HSF2BP: variants seen among roughly 807,000 people sequenced by gnomAD.
HSF2BP encodes the protein heat shock factor 2-binding protein.
In HSF2BP, 35 loss-of-function variants were observed where a neutral mutation model predicts 35.0. That is an observed-to-expected ratio of 1.00 (90% CI 0.76 to 1.32). HSF2BP has a LOEUF of 1.32. HSF2BP is among the 40% of genes most tolerant of loss of function. The probability of loss-of-function intolerance (pLI) is 0.00; values close to 1 mark genes in which losing one functional copy is unlikely to be tolerated. For missense variants in HSF2BP, 326 were observed against 321.7 expected, an observed-to-expected ratio of 1.01 and a Z score of -0.10; for synonymous variants, 114 against 117.4, an observed-to-expected ratio of 0.97 and a Z score of 0.18.
chr21:43,619,210 G>A (rs75401787), intron 6 of HSF2BP, among the ~76,000 whole-genome samples: 6,242 of 152,186 alleles, frequency 0.041, 439 homozygotes, highest in African/African-American at 0.14. Context: ...TGTGCTATTT[G>A]CTTTACTGCA....
At chr21:43,637,008 G>A (rs1291113199) in intron 4 of HSF2BP, among the ~76,000 whole-genome samples, 1 of 151,856 alleles carries the variant, frequency 6.6e-6, no homozygotes, top group Non-Finnish European at 1.5e-5. Flanking sequence ...ACTGGAACAG[G>A]ACGAGCGAAG....
In HSF2BP at chr21:43,658,111, C is replaced by T; in HGVS notation, c.-15G>A. 1 of 1,528,482 alleles carries T rather than the reference C, an allele frequency of 6.5e-7. No homozygotes were observed. The allele number at this position is 1,528,482 out of a possible 1,614,324, so 94.7% of individuals were successfully genotyped here. On this transcript the variant is annotated 5_prime_UTR_variant, in exon 2 of 9. Transcript: ENST00000291560. ...GCTTCGCCCATGGCCGCTGCCGCCT[C>T]CGCTCCGTTCGCCTGAGCGTCGGCG...
At chr21:43,628,226 G>C (rs548780573) in intron 6 of HSF2BP, among the ~76,000 whole-genome samples, 1 of 152,336 alleles carries the variant, frequency 6.6e-6, no homozygotes, top group Admixed American at 6.5e-5. Context: ...CCAAAGCTGA[G>C]ACCTGCTGAA....
At chr21:43,602,168 C>G (rs1233113774) in intron 7 of HSF2BP, among the ~76,000 whole-genome samples, 1 of 152,210 alleles carries the variant, frequency 6.6e-6, no homozygotes, top group Non-Finnish European at 1.5e-5. Flanking sequence ...GGGAGAGAGA[C>G]AAACAAAGCA....
chr21:43,632,922 C>T (rs55662210), intron 5 of HSF2BP, among the ~76,000 whole-genome samples: 3 of 151,952 alleles, frequency 2.0e-5, no homozygotes, highest in Non-Finnish European at 4.4e-5. Flanking sequence ...CATCTACATA[C>T]ATGTATATAT....
intron 8 of HSF2BP, among the ~76,000 whole-genome samples, chr21:43,579,484 A>G (rs184046995): frequency 6.6e-6 from 1 of 152,376 alleles, no homozygotes; most frequent in Admixed American, 6.5e-5. Context: ...GAAGAAAGCC[A>G]CAGTGTATTT....
intron 8 of HSF2BP, among the ~76,000 whole-genome samples, chr21:43,585,521 C>T (rs1468010908): frequency 6.6e-6 from 1 of 151,858 alleles, no homozygotes; most frequent in Non-Finnish European, 1.5e-5. Flanking sequence ...TGATGGGCGC[C>T]TGTAATCCCA....
chr21:43,605,176 C>T (rs1485475171), intron 7 of HSF2BP, among the ~76,000 whole-genome samples: 2 of 149,052 alleles, frequency 1.3e-5, no homozygotes, highest in African/African-American at 5.0e-5. Context: ...GCTGACTGCA[C>T]TAATTGCCCC....
At chr21:43,467,966 ACACACACAC>A in the HSF2BP span, among the ~76,000 whole-genome samples, 20 of 67,808 alleles carry the variant, frequency 2.9e-4, no homozygotes, top group Admixed American at 5.6e-4. Context: ...CACTTACACC[ACACACACAC>A]CACACACACC....
chr21:43,651,021 T>C (rs1240227096), intron 3 of HSF2BP, among the ~76,000 whole-genome samples: 1 of 152,172 alleles, frequency 6.6e-6, no homozygotes, highest in Non-Finnish European at 1.5e-5. Context: ...TTTACATCTC[T>C]TGCAAACATA....
At chr21:43,640,999 A>G (rs948395099) in intron 4 of HSF2BP, among the ~76,000 whole-genome samples, 1 of 152,106 alleles carries the variant, frequency 6.6e-6, no homozygotes, top group Non-Finnish European at 1.5e-5. Flanking sequence ...GATTTCCTCA[A>G]TATCTTTCTG....
intron 6 of HSF2BP, among the ~76,000 whole-genome samples, chr21:43,617,153 A>T (rs566018763): frequency 5.9e-4 from 90 of 152,228 alleles, no homozygotes; most frequent in African/African-American, 2.0e-3. Flanking sequence ...GAGCAAGATA[A>T]ATGTTAAGAC....
At chr21:43,602,323 G>A (rs957603331) in intron 7 of HSF2BP, among the ~76,000 whole-genome samples, 17 of 152,196 alleles carry the variant, frequency 1.1e-4, no homozygotes, top group African/African-American at 3.4e-4. Flanking sequence ...TATTCCAGAC[G>A]AATTCTTTGG....
At chr21:43,616,291 G>A (rs765708392) in intron 6 of HSF2BP, among the ~76,000 whole-genome samples, 7 of 152,140 alleles carry the variant, frequency 4.6e-5, no homozygotes, top group Non-Finnish European at 1.0e-4. Context: ...GGATCCCTGA[G>A]TCACTATGAA....
intron 7 of HSF2BP, among the ~76,000 whole-genome samples, chr21:43,600,855 C>G (rs974793292): frequency 6.6e-6 from 1 of 152,170 alleles, no homozygotes; most frequent in Non-Finnish European, 1.5e-5. Flanking sequence ...GATATTTAAA[C>G]TAGCCACGCA....
In HSF2BP at chr21:43,640,136, C is replaced by CA. The variant is rs2082616509; in HGVS notation, c.291+4152dup. Among the ~76,000 whole-genome samples the CA allele has an allele frequency of 1.3e-5, 2 of 151,838 alleles. 1 individual carries two copies. The highest frequency in any genetic ancestry group is 4.1e-4 in the South Asian group (2 of 4,822). On this transcript the variant is annotated intron_variant, in intron 4 of 8. Coordinates refer to ENST00000291560, the MANE Select transcript of HSF2BP (RefSeq NM_007031.2). ...GAGTAACATAGCGAACCTGTCTCTA[C>CA]AAAAAAAATTAAAAATTAGCTGGGC...
At chr21:43,575,669 C>T (rs896722214) in intron 8 of HSF2BP, among the ~76,000 whole-genome samples, 1 of 152,182 alleles carries the variant, frequency 6.6e-6, no homozygotes, top group African/African-American at 2.4e-5. Context: ...TGCATCTTAA[C>T]AAACCCAGCT....
chr21:43,641,621 G>C (rs1453663267), intron 4 of HSF2BP, among the ~76,000 whole-genome samples: 1 of 151,926 alleles, frequency 6.6e-6, no homozygotes, highest in Admixed American at 6.6e-5. Flanking sequence ...AATAACTTCT[G>C]CCTTTTCCTA....
At chr21:43,591,644 G>T (rs558309762) in intron 8 of HSF2BP, among the ~76,000 whole-genome samples, 23 of 152,282 alleles carry the variant, frequency 1.5e-4, no homozygotes, top group African/African-American at 5.5e-4. Context: ...AGAAGAACAG[G>T]TATACAGTAG....
Sources: allele counts gnomAD v4.1 joint callset (sites outside exome capture counted in the v4.1 genomes callset), GRCh38; gene constraint gnomAD v4.1.1; transcripts MANE v1.5; gene names NCBI Gene and HGNC (gene_info 2026-07-23, HGNC 2026-07-21).